Variants in EPHA5 observed in about 807,000 individuals in gnomAD.
The protein encoded by EPHA5 is ephrin type-A receptor 5.
In EPHA5, 60 loss-of-function variants were observed where a neutral mutation model predicts 105.0. The observed-to-expected ratio is 0.57, with a 90% CI of 0.46 to 0.71. The LOEUF (loss-of-function observed/expected upper bound fraction) is 0.71. EPHA5 is among the 30% of genes least tolerant of loss of function. The pLI, the probability that EPHA5 is intolerant of heterozygous loss-of-function variation, is 0.00. For missense variants in EPHA5, 1,218 were observed against 1,274.7 expected, an observed-to-expected ratio of 0.96 and a Z score of 0.68; for synonymous variants, 513 against 449.1, an observed-to-expected ratio of 1.14 and a Z score of -1.80.
chr4:65,546,492 C>T lies in EPHA5; in HGVS notation c.911-50949G>A, dbSNP rs182531159. 8.9e-4 allele frequency among the ~76,000 whole-genome samples: 135 copies of T among 152,062 alleles called. 1 individual carries two copies. The highest frequency in any genetic ancestry group is 3.0e-3 in the African/African-American group (124 of 41,502). On this transcript the variant is annotated intron_variant, in intron 3 of 16. Coordinates refer to ENST00000613740, the MANE Select transcript of EPHA5 (RefSeq NM_001281766.3). ...TTCTGGACTTCTGCCTATTAACAACCTATTTTTCTAATGGTTCTTGTTTTT... is the reference window on the plus strand; with the variant it reads ...TTCTGGACTTCTGCCTATTAACAACTTATTTTTCTAATGGTTCTTGTTTTT...
At chr4:65,331,952 A>G (rs1194750140) in intron 16 of EPHA5, 21 bp downstream of exon 16, 1 of 1,573,668 alleles carries the variant, frequency 6.4e-7, no homozygotes, top group Non-Finnish European at 8.6e-7. Flanking sequence ...TTATGTAAAA[A>G]TTATCAGAAA....
intron 3 of EPHA5, among the ~76,000 whole-genome samples, chr4:65,596,681 AACACACAC>A (rs71205392): frequency 8.0e-5 from 12 of 150,458 alleles, no homozygotes; most frequent in East Asian, 2.0e-4. Context: ...ACAAAAGCAG[AACACACAC>A]ACACACACAC....
At chr4:65,480,220 C>T (rs142033250) in intron 5 of EPHA5, among the ~76,000 whole-genome samples, 1,692 of 152,254 alleles carry the variant, frequency 0.011, 37 homozygotes, top group African/African-American at 0.039. Flanking sequence ...TCAGATGACT[C>T]ATTTAATAAA....
intron 3 of EPHA5, among the ~76,000 whole-genome samples, chr4:65,525,064 T>C (rs964292512): frequency 6.6e-6 from 1 of 151,812 alleles, no homozygotes; most frequent in African/African-American, 2.4e-5. Flanking sequence ...TATAGTCTTA[T>C]GGTGTATATC....
rs1377226894 is a variant in EPHA5, at chr4:65,408,733, C to T, written c.1688-4254G>A. ...GTGGAGAAATAGGAACACTTTTACA[C>T]TGTTGGGGGGACTGTAAACTAGTTC... On this transcript the variant is annotated intron_variant, in intron 7 of 16. Transcript: ENST00000613740. Among the ~76,000 whole-genome samples the T allele has an allele frequency of 2.6e-5, 4 of 151,974 alleles. No individual in the cohort carries two copies. The East Asian group carries it at 7.8e-4, about 29-fold the overall frequency.
chr4:65,632,397 T>C (rs1289429271), intron 2 of EPHA5, among the ~76,000 whole-genome samples: 1 of 146,986 alleles, frequency 6.8e-6, no homozygotes, highest in South Asian at 2.1e-4. Flanking sequence ...TTTACCACCA[T>C]AATCTCTGTG....
At chr4:65,347,129 AG>A (rs1164567410) in intron 14 of EPHA5, among the ~76,000 whole-genome samples, 3 of 152,186 alleles carry the variant, frequency 2.0e-5, no homozygotes, top group Non-Finnish European at 4.4e-5. Context: ...CCAACCCTGA[AG>A]GCATGAGAGA....
chr4:65,480,267 A>T (rs1326724595), intron 5 of EPHA5, among the ~76,000 whole-genome samples: 2 of 152,224 alleles, frequency 1.3e-5, no homozygotes, highest in African/African-American at 4.8e-5. Flanking sequence ...TTGAATAAGT[A>T]TGCAGTGAAA....
intron 2 of EPHA5, among the ~76,000 whole-genome samples, chr4:65,618,964 G>T (rs1480536854): frequency 6.6e-6 from 1 of 152,100 alleles, no homozygotes; most frequent in Non-Finnish European, 1.5e-5. Context: ...AGACCAGCCT[G>T]GCCAAAATGG....
intron 8 of EPHA5, among the ~76,000 whole-genome samples, chr4:65,392,327 TC>T (rs1232372013): frequency 9.2e-5 from 14 of 152,134 alleles, no homozygotes; most frequent in African/African-American, 3.1e-4. Flanking sequence ...CTCATAAGCT[TC>T]TGAGATTTAC....
chr4:65,608,372 T>G (rs547022803), intron 2 of EPHA5, among the ~76,000 whole-genome samples: 1 of 151,752 alleles, frequency 6.6e-6, no homozygotes, highest in East Asian at 2.0e-4. Context: ...GGCGTGGTGG[T>G]GGGCACCTGT....
At chr4:65,465,931 T>A (rs558900097) in intron 5 of EPHA5, among the ~76,000 whole-genome samples, 20 of 152,390 alleles carry the variant, frequency 1.3e-4, no homozygotes, top group African/African-American at 4.3e-4. Context: ...CATTTGACGA[T>A]ACTTCAGTAA....
chr4:65,569,796 T>C (rs1384602958), intron 3 of EPHA5, among the ~76,000 whole-genome samples: 2 of 151,746 alleles, frequency 1.3e-5, no homozygotes, highest in African/African-American at 4.8e-5. Context: ...TGGAACTTAG[T>C]TAAGGGTATA....
chr4:65,417,375 A>C (rs10027864), intron 6 of EPHA5, among the ~76,000 whole-genome samples: 15,453 of 152,224 alleles, frequency 0.1, 1,507 homozygotes, highest in African/African-American at 0.25. Flanking sequence ...AAAAACTCAT[A>C]ATCCATTTTT....
At chr4:65,452,081 A>C (rs975897982) in intron 5 of EPHA5, among the ~76,000 whole-genome samples, 4 of 152,190 alleles carry the variant, frequency 2.6e-5, no homozygotes. Context: ...AAATCATCAG[A>C]AGATCAGCAA....
intron 14 of EPHA5, among the ~76,000 whole-genome samples, chr4:65,340,736 G>A (rs915992542): frequency 9.9e-5 from 15 of 152,142 alleles, no homozygotes; most frequent in Non-Finnish European, 1.5e-4. Context: ...GAACCTATGC[G>A]AAGTAAGTGT....
intron 2 of EPHA5, among the ~76,000 whole-genome samples, chr4:65,631,362 G>A (rs1746615760): frequency 6.6e-6 from 1 of 152,012 alleles, no homozygotes; most frequent in Non-Finnish European, 1.5e-5. Flanking sequence ...AACCATTCAA[G>A]GGTTTATTAA....
chr4:65,540,122 T>C (rs1283535799), intron 3 of EPHA5, among the ~76,000 whole-genome samples: 1 of 151,534 alleles, frequency 6.6e-6, no homozygotes, highest in African/African-American at 2.4e-5. Context: ...GTCAAGAATG[T>C]ACAAAAGCTT....
intron 6 of EPHA5, among the ~76,000 whole-genome samples, chr4:65,419,060 T>G (rs1288142209): frequency 6.6e-6 from 1 of 151,600 alleles, no homozygotes; most frequent in African/African-American, 2.4e-5. Context: ...ATTTTTTGTA[T>G]TTTTAGTATA....
Sources: allele counts gnomAD v4.1 joint callset (sites outside exome capture counted in the v4.1 genomes callset), GRCh38; gene constraint gnomAD v4.1.1; transcripts MANE v1.5; gene names NCBI Gene and HGNC (gene_info 2026-07-23, HGNC 2026-07-21).